Variants in AK4 observed in about 807,000 individuals in gnomAD.
AK4 encodes adenylate kinase 4.
Under a neutral mutation model 24.6 loss-of-function variants are expected in AK4, and 13 were observed. The observed-to-expected ratio is 0.53, with a 90% CI of 0.34 to 0.84. The LOEUF (loss-of-function observed/expected upper bound fraction) is 0.84, where lower values mean the gene tolerates loss of function less well. Ranked by LOEUF, AK4 falls within the 40% of genes least tolerant of loss-of-function variation. The probability of loss-of-function intolerance (pLI) is 0.01; values close to 1 mark genes in which losing one functional copy is unlikely to be tolerated. For missense variants in AK4, 192 were observed against 288.2 expected (o/e 0.67, Z 2.42); for synonymous variants, 88 against 107.0 (o/e 0.82, Z 1.10).
At chr1:65,186,881 C>T (rs1651116994) in intron 1 of AK4, among the ~76,000 whole-genome samples, 1 of 152,142 alleles carries the variant, frequency 6.6e-6, no homozygotes, top group Admixed American at 6.5e-5. Flanking sequence ...CAGCATTATT[C>T]ATAATAGCCA....
chr1:65,155,158 G>A (rs900844216), intron 1 of AK4, among the ~76,000 whole-genome samples: 4 of 152,030 alleles, frequency 2.6e-5, no homozygotes, highest in African/African-American at 2.4e-5. Flanking sequence ...CCGACATAGG[G>A]AGCGTTTTAA....
chr1:65,185,376 AT>A (rs1651062286), intron 1 of AK4, among the ~76,000 whole-genome samples: 1 of 152,094 alleles, frequency 6.6e-6, no homozygotes, highest in South Asian at 2.1e-4. Context: ...AAAACTATCT[AT>A]TTAAAATTCC....
chr1:65,216,331 C>T (rs1652129381), intron 2 of AK4, among the ~76,000 whole-genome samples: 1 of 152,046 alleles, frequency 6.6e-6, no homozygotes, highest in Admixed American at 6.6e-5. Flanking sequence ...TGGAGTTTTG[C>T]CAGGCTGGTC....
At chr1:65,171,195 G>A (rs1256504685) in intron 1 of AK4, among the ~76,000 whole-genome samples, 2 of 143,734 alleles carry the variant, frequency 1.4e-5, no homozygotes, top group Admixed American at 1.4e-4. Context: ...TTCTGGGCTC[G>A]AGCAATCTGC....
At chr1:65,202,865 TC>T (rs1282562797) in intron 2 of AK4, among the ~76,000 whole-genome samples, 2 of 93,974 alleles carry the variant, frequency 2.1e-5, no homozygotes, top group Non-Finnish European at 4.3e-5. Context: ...TGCTGTGTAG[TC>T]TTTTTTTTTT....
chr1:65,218,904 A>G lies in AK4; in HGVS notation c.416A>G (p.Asp139Gly). ...HPPSGRVYNL[D>G]FNPPHVHGID... is the part of the protein sequence containing the mutation. The stretch of plus-strand genomic sequence containing the variant: ...CCTAGCGGAAGGGTATATAACCTGG[A>G]CTTCAATCCACCTCATGTACATGTA... The change falls in exon 3 of 5, where the codon GAC becomes GGC. Residue 139 changes from aspartate (D) to glycine (G), a missense_variant. Coordinates refer to ENST00000327299, the MANE Select transcript of AK4 (RefSeq NM_013410.4). 3.1e-6 allele frequency: 5 copies of G among 1,590,170 alleles called. No homozygotes were observed. The highest frequency in any genetic ancestry group is 4.3e-6 in the Non-Finnish European group (5 of 1,170,808).
chr1:65,224,232 A>G (rs994816552), intron 3 of AK4, among the ~76,000 whole-genome samples: 8 of 152,176 alleles, frequency 5.3e-5, no homozygotes, highest in African/African-American at 1.7e-4. Flanking sequence ...TAGTAAAATA[A>G]CCTGAATAAG....
chr1:65,175,148 T>C (rs1019981827), intron 1 of AK4, among the ~76,000 whole-genome samples: 1 of 152,222 alleles, frequency 6.6e-6, no homozygotes, highest in African/African-American at 2.4e-5. Context: ...TTGCCACTGG[T>C]ATCGTTGTTC....
chr1:65,154,433 C>A (rs968417973), intron 1 of AK4: 1 of 452,642 alleles, frequency 2.2e-6, no homozygotes, highest in Non-Finnish European at 4.5e-6. Flanking sequence ...AGAGCACATG[C>A]ATGGGCTAGC....
intron 1 of AK4, among the ~76,000 whole-genome samples, chr1:65,160,967 T>C (rs941183162): frequency 6.6e-6 from 1 of 152,056 alleles, no homozygotes; most frequent in African/African-American, 2.4e-5. Flanking sequence ...TTTCAGCATA[T>C]GAATCTGGGG....
intron 1 of AK4, chr1:65,154,568 T>C: frequency 1.9e-6 from 1 of 519,862 alleles, no homozygotes; most frequent in Non-Finnish European, 3.8e-6. Context: ...CGGCACTGTC[T>C]GATCCAGAAA....
intron 2 of AK4, among the ~76,000 whole-genome samples, chr1:65,217,847 A>C (rs932413021): frequency 2.0e-5 from 3 of 152,216 alleles, no homozygotes; most frequent in African/African-American, 7.2e-5. Flanking sequence ...AAAATCTTTA[A>C]ATAGACTTAA....
intron 1 of AK4, among the ~76,000 whole-genome samples, chr1:65,152,356 C>A (rs398049334): frequency 0.024 from 816 of 33,658 alleles, 4 homozygotes; most frequent in Admixed American, 0.035. Context: ...CTCTCTCTCT[C>A]TCTCTATATA....
chr1:65,212,959 G>T (rs541180570), intron 2 of AK4, among the ~76,000 whole-genome samples: 61 of 152,270 alleles, frequency 4.0e-4, no homozygotes, highest in African/African-American at 1.4e-3. Context: ...AAGCATAAAG[G>T]CTATGTTTGC....
intron 2 of AK4, among the ~76,000 whole-genome samples, chr1:65,196,172 G>A (rs572916990): frequency 2.0e-5 from 3 of 152,120 alleles, no homozygotes; most frequent in Admixed American, 6.5e-5. Context: ...CATGCTCTGC[G>A]GAGGACGTGC....
chr1:65,193,078 G>A (rs1651359705), intron 2 of AK4, among the ~76,000 whole-genome samples: 1 of 152,212 alleles, frequency 6.6e-6, no homozygotes, highest in African/African-American at 2.4e-5. Context: ...CTCTGGGGCA[G>A]CCTTGACCCT....
intron 1 of AK4, among the ~76,000 whole-genome samples, chr1:65,149,887 T>G (rs559675522): frequency 6.6e-6 from 1 of 152,288 alleles, no homozygotes; most frequent in East Asian, 1.9e-4. Flanking sequence ...TGCATTTTAT[T>G]CTTGAAATGC....
At chr1:65,171,352 C>T (rs1028324561) in intron 1 of AK4, among the ~76,000 whole-genome samples, 1 of 124,416 alleles carries the variant, frequency 8.0e-6, no homozygotes, top group Non-Finnish European at 1.6e-5. Context: ...TGTTGCCTAG[C>T]CTGCAGTGAG....
chr1:65,155,178 A>G (rs905089101), intron 1 of AK4, among the ~76,000 whole-genome samples: 1 of 152,114 alleles, frequency 6.6e-6, no homozygotes, highest in African/African-American at 2.4e-5. Context: ...AACGTAGCTT[A>G]CAAATATTCA....
Sources: allele counts gnomAD v4.1 joint callset (sites outside exome capture counted in the v4.1 genomes callset), GRCh38; gene constraint gnomAD v4.1.1; transcripts MANE v1.5; gene names NCBI Gene and HGNC (gene_info 2026-07-23, HGNC 2026-07-21).